Variants in PRDM16 observed in about 807,000 individuals in gnomAD.
The protein encoded by PRDM16 is histone-lysine N-methyltransferase PRDM16.
PRDM16 carries 23 observed loss-of-function variants against 110.6 expected under a neutral mutation model. The ratio of observed to expected loss-of-function variants is 0.21; its 90% CI spans 0.15 to 0.29. The LOEUF (loss-of-function observed/expected upper bound fraction) is 0.29, where lower values mean the gene tolerates loss of function less well. Ranked by LOEUF, PRDM16 falls within the 10% of genes least tolerant of loss-of-function variation. The pLI, the probability that PRDM16 is intolerant of heterozygous loss-of-function variation, is 1.00. For synonymous variants in PRDM16, 799 were observed against 781.8 expected (o/e 1.02, Z -0.37); for missense variants, 1,615 against 1,794.3 (o/e 0.90, Z 1.81).
intron 1 of PRDM16, among the ~76,000 whole-genome samples, chr1:3,085,041 C>G (rs550305072): frequency 5.9e-5 from 9 of 152,216 alleles, no homozygotes; most frequent in African/African-American, 2.2e-4. Flanking sequence ...TTTTCCTGCA[C>G]CCCTTGGTCC....
intron 3 of PRDM16, among the ~76,000 whole-genome samples, chr1:3,270,098 GGAGGATGACAGTCGGA>G (rs1640403758): frequency 1.3e-5 from 2 of 150,400 alleles, no homozygotes; most frequent in Admixed American, 1.3e-4. Context: ...TGACAGTCAG[GGAGGATGACAGTCGGA>G]GAGGAGGACA....
intron 4 of PRDM16, among the ~76,000 whole-genome samples, chr1:3,388,244 C>A (rs1182842697): frequency 6.6e-6 from 1 of 152,206 alleles, no homozygotes; most frequent in Non-Finnish European, 1.5e-5. Flanking sequence ...CAAACACACA[C>A]AAGTGAACAA....
chr1:3,412,708 G>A lies in PRDM16; in HGVS notation c.2511G>A (p.Glu837=). 5 of 1,498,026 alleles carry A rather than the reference G, an allele frequency of 3.3e-6. No homozygotes were observed. Among genetic ancestry groups the A allele is most frequent in the South Asian group, 2.6e-5 (2 of 76,330 alleles). The allele number at this position is 1,498,026 out of a possible 1,614,324, so 92.8% of individuals were successfully genotyped here. A position where few individuals can be genotyped will look rare whatever the true frequency, so the allele number is the denominator to read the frequency against. Residue 837 remains glutamate, a synonymous_variant, in exon 9 of 17, where the codon GAG becomes GAA. Coordinates refer to ENST00000270722, the MANE Select transcript of PRDM16 (RefSeq NM_022114.4). ...GGGAACGCAAGCTGGGCGCCGGCGA[G>A]GGGCTGCCCCAGGTGTGCCCGGCGC... is the stretch of plus-strand genomic sequence containing the variant. ...VYGERKLGAG[E]GLPQVCPARM...
At chr1:3,172,302 A>G (rs1255625298) in intron 1 of PRDM16, among the ~76,000 whole-genome samples, 1 of 151,882 alleles carries the variant, frequency 6.6e-6, no homozygotes, top group African/African-American at 2.4e-5. Flanking sequence ...CTGGAAGGAG[A>G]CCCTGTCCTT....
At chr1:3,169,362 C>T (rs772375977) in intron 1 of PRDM16, among the ~76,000 whole-genome samples, 4 of 152,148 alleles carry the variant, frequency 2.6e-5, no homozygotes, top group African/African-American at 9.7e-5. Flanking sequence ...AAACACCCTA[C>T]GGTTGCCATG....
chr1:3,232,890 C>T (rs61240755), intron 2 of PRDM16, among the ~76,000 whole-genome samples: 3,339 of 151,952 alleles, frequency 0.022, 113 homozygotes, highest in African/African-American at 0.071. Context: ...GTGACCCAGG[C>T]GCTGTTACCA....
chr1:3,188,270 G>T (rs1644294981), intron 2 of PRDM16, among the ~76,000 whole-genome samples: 1 of 152,238 alleles, frequency 6.6e-6, no homozygotes, highest in South Asian at 2.1e-4. Context: ...TAATCAGGAG[G>T]TGGCTTGTGG....
chr1:3,308,259 A>T (rs1641358492), intron 3 of PRDM16: 1 of 152,232 alleles, frequency 6.6e-6, no homozygotes, highest in Non-Finnish European at 1.5e-5. Context: ...GCCCCGCTGG[A>T]GACTCCACGC....
chr1:3,422,655 C>T (rs999349486), intron 12 of PRDM16, among the ~76,000 whole-genome samples: 1 of 152,234 alleles, frequency 6.6e-6, no homozygotes, highest in African/African-American at 2.4e-5. Context: ...GTGTAAAATC[C>T]CTCCTTTCTG....
intron 1 of PRDM16, among the ~76,000 whole-genome samples, chr1:3,159,218 C>G (rs982170873): frequency 7.2e-5 from 11 of 152,262 alleles, no homozygotes; most frequent in Non-Finnish European, 1.5e-4. Flanking sequence ...AGATGCCTGT[C>G]CTGGCACCTG....
intron 1 of PRDM16, among the ~76,000 whole-genome samples, chr1:3,181,034 GGTCTTACACACGCA>G (rs1316099981): frequency 1.1e-4 from 14 of 124,650 alleles, no homozygotes; most frequent in East Asian, 5.6e-4. Context: ...TCTTACACGC[GGTCTTACACACGCA>G]GTCTTACACG....
chr1:3,124,089 A>AC (rs1643153472), intron 1 of PRDM16, among the ~76,000 whole-genome samples: 1 of 151,830 alleles, frequency 6.6e-6, no homozygotes, highest in Non-Finnish European at 1.5e-5. Context: ...ACCCGTGAGA[A>AC]CCCCCAAGAA....
At position 3,079,586 on chromosome 1, in the gene PRDM16, T is replaced by G. The variant is rs115655891; in HGVS notation, c.37+10290T>G. Among the ~76,000 whole-genome samples the G allele has an allele frequency of 3.7e-3, 561 of 152,352 alleles. 2 individuals carry two copies. Among genetic ancestry groups the G allele is most frequent in the African/African-American group, 0.013 (539 of 41,574 alleles). On this transcript the variant is annotated intron_variant, in intron 1 of 16. Transcript: ENST00000270722. Reference sequence around the variant, plus strand: ...ACAGGAGCTGGCTTGCTGGGAGATTTCTGGCCTTCCTTGCAAATCACCCGC... The same window carrying G: ...ACAGGAGCTGGCTTGCTGGGAGATTGCTGGCCTTCCTTGCAAATCACCCGC...
chr1:3,303,645 C>G (rs60211537), intron 3 of PRDM16, among the ~76,000 whole-genome samples: 18,128 of 152,262 alleles, frequency 0.12, 3,572 homozygotes, highest in African/African-American at 0.41. Context: ...TCAGACTGTT[C>G]TCCATGGCGG....
chr1:3,170,851 C>T (rs1265501691), intron 1 of PRDM16, among the ~76,000 whole-genome samples: 2 of 152,240 alleles, frequency 1.3e-5, no homozygotes, highest in Admixed American at 6.5e-5. Flanking sequence ...CCAGGGCTGT[C>T]GGGAGCCCAT....
chr1:3,093,439 C>T (rs1213264340), intron 1 of PRDM16, among the ~76,000 whole-genome samples: 3 of 152,208 alleles, frequency 2.0e-5, no homozygotes, highest in Admixed American at 6.5e-5. Context: ...GAGTCCTCTT[C>T]CAGAATTGAT....
chr1:3,320,055 C>G (rs180976401), intron 3 of PRDM16, among the ~76,000 whole-genome samples: 1 of 152,160 alleles, frequency 6.6e-6, no homozygotes, highest in Admixed American at 6.5e-5. Context: ...CCACACCTAC[C>G]AGGTGTGGCC....
chr1:3,209,646 G>C lies in PRDM16; in HGVS notation c.387+23172G>C, dbSNP rs1638836606. On this transcript the variant is annotated intron_variant, in intron 2 of 16. Coordinates refer to ENST00000270722, the MANE Select transcript of PRDM16 (RefSeq NM_022114.4). The surrounding 1 kb of genome is among the most constrained non-coding windows in gnomAD (Gnocchi z 4.6). ...CGGGATCCTTTGTCGAGACCAATTG[G>C]CCACAAATGCCACCTCCTGCTTCTG... 6.6e-6 allele frequency among the ~76,000 whole-genome samples: 1 copy of C among 152,170 alleles called. No homozygotes were observed.
intron 2 of PRDM16, among the ~76,000 whole-genome samples, chr1:3,223,814 G>A (rs542699655): frequency 6.6e-6 from 1 of 152,324 alleles, no homozygotes; most frequent in Admixed American, 6.5e-5. Context: ...TAACCAGAGT[G>A]GGACCAGCAC....
Sources: gnomAD v4.1 joint callset for allele counts (sites outside exome capture counted in the v4.1 genomes callset) on GRCh38, gnomAD v4.1.1 for gene constraint, Gnocchi (gnomAD v3.1) non-coding constraint, MANE v1.5 for transcripts, NCBI Gene and HGNC (gene_info 2026-07-23, HGNC 2026-07-21) for gene names.